JMJD1C: variants seen among roughly 807,000 people sequenced by gnomAD.
JMJD1C encodes jumonji domain-containing protein 1C.
Under a neutral mutation model 245.3 loss-of-function variants are expected in JMJD1C, and 31 were observed. The ratio of observed to expected loss-of-function variants is 0.13; its 90% CI spans 0.09 to 0.17. The LOEUF is 0.17. Ranked by LOEUF, JMJD1C falls within the 10% of genes least tolerant of loss-of-function variation. JMJD1C has a pLI of 1.00. For synonymous variants in JMJD1C, 1,057 were observed against 1,017.4 expected, an observed-to-expected ratio of 1.04 and a Z score of -0.74; for missense variants, 2,691 against 3,000.2, an observed-to-expected ratio of 0.90 and a Z score of 2.41.
At chr10:63,198,064 A>G (rs1845646900) in intron 12 of JMJD1C, among the ~76,000 whole-genome samples, 1 of 152,254 alleles carries the variant, frequency 6.6e-6, no homozygotes. Context: ...TTAAGTAAAC[A>G]TAATTAACAT....
intron 2 of JMJD1C, among the ~76,000 whole-genome samples, chr10:63,320,512 A>G (rs948345817): frequency 2.6e-5 from 4 of 152,194 alleles, no homozygotes; most frequent in African/African-American, 9.7e-5. Flanking sequence ...TACAGGTGGA[A>G]AATACCTAAG....
intron 1 of JMJD1C, among the ~76,000 whole-genome samples, chr10:63,408,653 GAGT>G (rs1317573364): frequency 1.3e-5 from 2 of 151,426 alleles, no homozygotes; most frequent in African/African-American, 4.9e-5. Context: ...TCAAGTTTGA[GAGT>G]AGAATTAAGA....
chr10:63,404,938 A>C (rs913400913), intron 1 of JMJD1C, among the ~76,000 whole-genome samples: 2 of 152,226 alleles, frequency 1.3e-5, no homozygotes, highest in Non-Finnish European at 2.9e-5. Context: ...ATTCAATCCA[A>C]AAAGTAGGAG....
rs1342751453 is a variant in JMJD1C at position 63,209,086 on chromosome 10, T to A, written c.2844A>T (p.Lys948Asn). Residue 948 changes from lysine to asparagine, a missense_variant, in exon 9 of 26, where the codon AAA becomes AAT. Coordinates refer to ENST00000399262, the MANE Select transcript of JMJD1C (RefSeq NM_032776.3). The part of the protein sequence containing the change: ...ITAHSSPPLT[K>N]TLVDHHKEEL... The stretch of plus-strand genomic sequence containing the variant: ...ACTCCTTATGATGATCTACTAAAGT[T>A]TTTGTCAATGGTGGACTGGAATGGG... 1.2e-6 allele frequency: 2 copies of A among 1,613,508 alleles called. No individual in the cohort carries two copies. The highest frequency in any genetic ancestry group is 1.7e-4 in the Middle Eastern group (1 of 6,056).
intron 2 of JMJD1C, among the ~76,000 whole-genome samples, chr10:63,271,398 G>A (rs528288929): frequency 5.5e-4 from 83 of 151,726 alleles, no homozygotes; most frequent in African/African-American, 1.8e-3. Flanking sequence ...GGCTGGTTTC[G>A]GATCCCTGGC....
chr10:63,204,328 G>T, intron 10 of JMJD1C: 1 of 985,042 alleles, frequency 1.0e-6, no homozygotes, highest in Non-Finnish European at 1.2e-6. Context: ...CAACCTGGGG[G>T]AAAAAAAGGC....
chr10:63,435,733 C>A (rs1258571767), intron 1 of JMJD1C, among the ~76,000 whole-genome samples: 1 of 152,138 alleles, frequency 6.6e-6, no homozygotes, highest in South Asian at 2.1e-4. Flanking sequence ...AACACCATCT[C>A]TATTAAAAGT....
intron 2 of JMJD1C, among the ~76,000 whole-genome samples, chr10:63,352,873 C>T (rs1424809681): frequency 6.6e-6 from 1 of 151,996 alleles, no homozygotes; most frequent in Admixed American, 6.6e-5. Context: ...TCTACGGGGC[C>T]AACTTCAGGA....
At chr10:63,225,802 C>T (rs1169056138) in intron 3 of JMJD1C, among the ~76,000 whole-genome samples, 2 of 151,832 alleles carry the variant, frequency 1.3e-5, no homozygotes, top group African/African-American at 2.4e-5. Context: ...AAAAGCTAAC[C>T]TAAAGGTGCA....
chr10:63,203,946 A>G, intron 10 of JMJD1C: 1 of 981,170 alleles, frequency 1.0e-6, no homozygotes, highest in Non-Finnish European at 1.2e-6. Context: ...TAGATAATCC[A>G]TTAATATTTA....
At chr10:63,218,624 A>G (rs1039239940) in intron 4 of JMJD1C, among the ~76,000 whole-genome samples, 1 of 152,166 alleles carries the variant, frequency 6.6e-6, no homozygotes, top group African/African-American at 2.4e-5. Flanking sequence ...GCTTAGAGTC[A>G]GCCTCACACA....
rs527682307 is a variant in JMJD1C at position 63,426,457 on chromosome 10, T to A, written c.168+39038A>T. On this transcript the variant is annotated intron_variant, in intron 1 of 25. Transcript: ENST00000399262. The stretch of plus-strand genomic sequence containing the variant: ...GGAGGCCAAGGCAGGTGGATCACGA[T>A]GTCAGGAGTTTGAGACTAGCCTGAC... Among the ~76,000 whole-genome samples, 10 of 152,240 alleles carry A rather than the reference T, an allele frequency of 6.6e-5. 1 individual carries two copies. In the South Asian group the frequency reaches 2.1e-3, roughly 32 times the overall value.
At chr10:63,243,687 C>CA (rs1418595206) in intron 3 of JMJD1C, among the ~76,000 whole-genome samples, 1 of 151,952 alleles carries the variant, frequency 6.6e-6, no homozygotes, top group Non-Finnish European at 1.5e-5. Flanking sequence ...CTTCCAGTTC[C>CA]AAAATGACAA....
At chr10:63,428,808 A>G (rs563657421) in intron 1 of JMJD1C, among the ~76,000 whole-genome samples, 2 of 152,332 alleles carry the variant, frequency 1.3e-5, no homozygotes, top group South Asian at 4.1e-4. Context: ...TATTTCTGAA[A>G]TACCCATACT....
intron 1 of JMJD1C, among the ~76,000 whole-genome samples, chr10:63,414,497 T>C (rs1158896573): frequency 2.6e-5 from 4 of 152,142 alleles, no homozygotes; most frequent in Non-Finnish European, 5.9e-5. Flanking sequence ...ACTCTCATAA[T>C]GTGAGCACCG....
intron 1 of JMJD1C, among the ~76,000 whole-genome samples, chr10:63,423,750 G>A (rs534323448): frequency 3.3e-5 from 5 of 152,236 alleles, no homozygotes; most frequent in Non-Finnish European, 5.9e-5. Flanking sequence ...ACCATTTTAC[G>A]TTCCCATCAT....
intron 3 of JMJD1C, among the ~76,000 whole-genome samples, chr10:63,262,015 G>T (rs1023816402): frequency 2.0e-5 from 3 of 152,132 alleles, no homozygotes; most frequent in Non-Finnish European, 4.4e-5. Flanking sequence ...GTTTATAAAG[G>T]ATAATTAGCA....
At chr10:63,184,302 GCA>G (rs879640954) in intron 21 of JMJD1C, among the ~76,000 whole-genome samples, 1 of 147,368 alleles carries the variant, frequency 6.8e-6, no homozygotes, top group African/African-American at 2.5e-5. Context: ...GTGCAGTAGT[GCA>G]ATCTCAGCTC....
intron 17 of JMJD1C, among the ~76,000 whole-genome samples, chr10:63,190,607 A>G (rs1442919692): frequency 6.6e-6 from 1 of 152,296 alleles, no homozygotes; most frequent in Non-Finnish European, 1.5e-5. Flanking sequence ...ATTCACTTCC[A>G]TGTGGGTTTT....
Sources: allele counts gnomAD v4.1 joint callset (sites outside exome capture counted in the v4.1 genomes callset), GRCh38; gene constraint gnomAD v4.1.1; transcripts MANE v1.5; gene names NCBI Gene and HGNC (gene_info 2026-07-23, HGNC 2026-07-21).